Variants in IL1RAPL1 observed in about 807,000 individuals in gnomAD.
IL1RAPL1 encodes the protein interleukin-1 receptor accessory protein-like 1.
Under a neutral mutation model 48.4 loss-of-function variants are expected in IL1RAPL1, and 3 were observed. The observed-to-expected ratio is 0.06, with a 90% CI of 0.03 to 0.16. The LOEUF is 0.16. Ranked by LOEUF, IL1RAPL1 falls within the 10% of genes least tolerant of loss-of-function variation. IL1RAPL1 has a pLI of 1.00. For synonymous variants in IL1RAPL1, 185 were observed against 187.7 expected, an observed-to-expected ratio of 0.99 and a Z score of 0.12; for missense variants, 349 against 530.6, an observed-to-expected ratio of 0.66 and a Z score of 3.36.
At chrX:29,065,885 T>C (rs1367202230) in intron 2 of IL1RAPL1, among the ~76,000 whole-genome samples, 1 of 112,297 alleles carries the variant, frequency 8.9e-6, no homozygotes, top group Non-Finnish European at 1.9e-5. Flanking sequence ...TAATTTCTGC[T>C]TCTTCATCAA....
chrX:29,259,960 T>G (rs1931823464), intron 2 of IL1RAPL1, among the ~76,000 whole-genome samples: 1 of 111,991 alleles, frequency 8.9e-6, no homozygotes. Context: ...AGTATGGAAC[T>G]CCAGAAGACT....
chrX:29,725,984 T>A (rs1927766009), intron 6 of IL1RAPL1, among the ~76,000 whole-genome samples: 2 of 112,169 alleles, frequency 1.8e-5, no homozygotes. Context: ...GCAGTACTGG[T>A]GTGAACGCAC....
At chrX:29,029,122 C>T (rs970910318) in intron 2 of IL1RAPL1, among the ~76,000 whole-genome samples, 3 of 111,164 alleles carry the variant, frequency 2.7e-5, no homozygotes, top group African/African-American at 9.8e-5. Flanking sequence ...GAAACCATCA[C>T]ATTTCATGAG....
chrX:29,233,685 C>T (rs1931240823), intron 2 of IL1RAPL1, among the ~76,000 whole-genome samples: 1 of 111,297 alleles, frequency 9.0e-6, no homozygotes, highest in South Asian at 3.8e-4. Flanking sequence ...ATGGATACCA[C>T]ACCCCCGACT....
intron 6 of IL1RAPL1, among the ~76,000 whole-genome samples, chrX:29,808,526 T>A (rs1185556517): frequency 9.0e-6 from 1 of 111,554 alleles, no homozygotes; most frequent in Non-Finnish European, 1.9e-5. Context: ...CTGAAATTGT[T>A]GGGTACATAA....
Position 29,715,854 on chromosome X carries a change from G to A in IL1RAPL1, c.778+47350G>A, listed in dbSNP as rs781697995. 6.3e-5 allele frequency among the ~76,000 whole-genome samples: 7 copies of A among 111,967 alleles called. No homozygotes were observed. The South Asian group carries it at 2.6e-3, about 42-fold the overall frequency. On this transcript the variant is annotated intron_variant, in intron 6 of 10. Coordinates refer to ENST00000378993, the MANE Select transcript of IL1RAPL1 (RefSeq NM_014271.4). ...TCTTTGAATGTCCCAGAAAGCATAT[G>A]GTATATGGAAGATAATTAAGATCCA...
intron 2 of IL1RAPL1, among the ~76,000 whole-genome samples, chrX:29,205,674 C>T (rs190702041): frequency 9.0e-6 from 1 of 111,005 alleles, no homozygotes; most frequent in African/African-American, 3.3e-5. Flanking sequence ...TTGCAGAATT[C>T]CTGGCCAGCA....
chrX:29,773,177 G>A (rs753807350), intron 6 of IL1RAPL1, among the ~76,000 whole-genome samples: 2 of 112,446 alleles, frequency 1.8e-5, no homozygotes, highest in African/African-American at 6.4e-5. Context: ...TTCTCCCTCA[G>A]TACCTAAGTA....
At chrX:29,871,622 C>A (rs187928471) in intron 6 of IL1RAPL1, among the ~76,000 whole-genome samples, 84 of 112,460 alleles carry the variant, frequency 7.5e-4, no homozygotes, top group Non-Finnish European at 7.5e-4. Context: ...GGGAAGCTTT[C>A]CTATTTATGA....
chrX:29,395,817 G>A, intron 3 of IL1RAPL1, among the ~76,000 whole-genome samples: 1 of 111,955 alleles, frequency 8.9e-6, no homozygotes, highest in Non-Finnish European at 1.9e-5. Flanking sequence ...ACTCGTCTTA[G>A]CAAGACAACC....
chrX:29,629,043 GGCACCTTTGAAAGGCTCCAGA>G (rs1924693956), intron 5 of IL1RAPL1, among the ~76,000 whole-genome samples: 1 of 111,520 alleles, frequency 9.0e-6, no homozygotes, highest in African/African-American at 3.3e-5. Flanking sequence ...TTAAATAATT[GGCACCTTTGAAAGGCTCCAGA>G]AACTACAGTT....
intron 3 of IL1RAPL1, among the ~76,000 whole-genome samples, chrX:29,359,019 T>C (rs1410950810): frequency 2.8e-5 from 3 of 107,628 alleles, no homozygotes; most frequent in Admixed American, 9.9e-5. Flanking sequence ...TGAGACTCCA[T>C]CTCAAAAAAA....
At chrX:29,797,445 A>C (rs1929769684) in intron 6 of IL1RAPL1, among the ~76,000 whole-genome samples, 1 of 112,311 alleles carries the variant, frequency 8.9e-6, no homozygotes, top group Admixed American at 9.4e-5. Context: ...AGGGGCCACT[A>C]GGATGAATCC....
At chrX:29,260,352 C>T (rs774252985) in intron 2 of IL1RAPL1, among the ~76,000 whole-genome samples, 9 of 112,115 alleles carry the variant, frequency 8.0e-5, no homozygotes, top group African/African-American at 1.9e-4. Flanking sequence ...AGAAGTTTAA[C>T]GGACTCGCAG....
chrX:29,481,430 C>T (rs1429089179), intron 5 of IL1RAPL1, among the ~76,000 whole-genome samples: 2 of 112,603 alleles, frequency 1.8e-5, no homozygotes, highest in African/African-American at 6.5e-5. Flanking sequence ...AGAATTTTGG[C>T]AAAGACTCAC....
chrX:29,186,747 A>C (rs763390111), intron 2 of IL1RAPL1, among the ~76,000 whole-genome samples: 1 of 111,785 alleles, frequency 8.9e-6, no homozygotes, highest in Non-Finnish European at 1.9e-5. Flanking sequence ...CAGATATTCT[A>C]TGTGGTGTTT....
chrX:29,494,885 T>G (rs1477684753), intron 5 of IL1RAPL1, among the ~76,000 whole-genome samples: 1 of 112,564 alleles, frequency 8.9e-6, no homozygotes, highest in Non-Finnish European at 1.9e-5. Context: ...AATTTCCATT[T>G]AATTTTGCTT....
chrX:29,350,739 A>G (rs1171873127), intron 3 of IL1RAPL1, among the ~76,000 whole-genome samples: 1 of 110,925 alleles, frequency 9.0e-6, no homozygotes, highest in African/African-American at 3.3e-5. Context: ...AAGCAGGTAA[A>G]TCGTGATTTA....
At chrX:28,738,238 A>G (rs1169594543) in intron 1 of IL1RAPL1, among the ~76,000 whole-genome samples, 3 of 111,783 alleles carry the variant, frequency 2.7e-5, no homozygotes, top group Non-Finnish European at 5.6e-5. Context: ...ATTGTCCTAC[A>G]GGACAGAAAA....
Sources: allele counts gnomAD v4.1 joint callset (sites outside exome capture counted in the v4.1 genomes callset), GRCh38; gene constraint gnomAD v4.1.1; transcripts MANE v1.5; gene names NCBI Gene and HGNC (gene_info 2026-07-23, HGNC 2026-07-21).